Variants in RANBP17 observed in about 807,000 individuals in gnomAD.
RANBP17 encodes ran-binding protein 17.
A neutral mutation model predicts 141.2 loss-of-function variants in RANBP17; 158 were observed. That is an observed-to-expected ratio of 1.12 (90% confidence interval 0.98 to 1.28). The LOEUF is 1.28. Among genes scored for constraint, RANBP17 ranks in the 50% most tolerant of loss-of-function variants. The probability of loss-of-function intolerance (pLI) is 0.00; values close to 1 mark genes in which losing one functional copy is unlikely to be tolerated. For synonymous variants in RANBP17, 430 were observed against 450.0 expected (o/e 0.96, Z 0.56); for missense variants, 1,438 against 1,290.7 (o/e 1.11, Z -1.75).
chr5:171,098,210 A>G (rs1786844712), intron 14 of RANBP17, among the ~76,000 whole-genome samples: 1 of 152,202 alleles, frequency 6.6e-6, no homozygotes, highest in Non-Finnish European at 1.5e-5. Context: ...AGGAATTGCC[A>G]CACTGTCTTC....
chr5:170,988,749 T>C (rs1374447574), intron 14 of RANBP17, among the ~76,000 whole-genome samples: 1 of 151,844 alleles, frequency 6.6e-6, no homozygotes, highest in African/African-American at 2.4e-5. Flanking sequence ...ATGTGATAGT[T>C]CTTGCTTCTG....
At chr5:171,252,278 G>T (rs1765622309) in intron 24 of RANBP17, 3 of 1,553,642 alleles carry the variant, frequency 1.9e-6, no homozygotes, top group African/African-American at 2.7e-5. Flanking sequence ...TTACCTAATG[G>T]TAATATTAAT....
At chr5:170,925,600 T>C (rs1772851609) in intron 12 of RANBP17, among the ~76,000 whole-genome samples, 1 of 152,162 alleles carries the variant, frequency 6.6e-6, no homozygotes, top group Non-Finnish European at 1.5e-5. Context: ...GAATAGGTCG[T>C]TTGCCAATAC....
rs368246849 is a variant in RANBP17 at position 170,872,284 on chromosome 5, G to T, written c.19-5813G>T. 4.1e-4 allele frequency among the ~76,000 whole-genome samples: 63 copies of T among 152,226 alleles called. 1 individual carries two copies. The South Asian group carries it at 0.013, about 31-fold the overall frequency. ...TATTTTCTTTGTAGCAATTGTGAAT[G>T]GGAGTTCATTCATGATTTGGCTGTC... On this transcript the variant is annotated intron_variant, in intron 1 of 27. Transcript: ENST00000523189.
At chr5:170,869,327 T>TC (rs1376798314) in intron 1 of RANBP17, among the ~76,000 whole-genome samples, 2 of 150,576 alleles carry the variant, frequency 1.3e-5, no homozygotes, top group Non-Finnish European at 3.0e-5. Flanking sequence ...ACAACACTTT[T>TC]TTTTTTTTTT....
In RANBP17 at chr5:170,897,576, A is replaced by G. The variant is rs572656521; in HGVS notation, c.489+1461A>G. Among the ~76,000 whole-genome samples, 16 of 150,034 alleles carry G rather than the reference A, an allele frequency of 1.1e-4. No homozygotes were observed. The East Asian group carries it at 2.2e-3, about 20-fold the overall frequency. ...CCCTCCCCTAGCCCCCCAACCCCCA[A>G]CAGGCCCCGGTGTGTGATGTTTCTC... On this transcript the variant is annotated intron_variant, in intron 5 of 27. Coordinates refer to ENST00000523189, the MANE Select transcript of RANBP17 (RefSeq NM_022897.5).
At chr5:171,219,621 A>G (rs1319423795) in intron 21 of RANBP17, among the ~76,000 whole-genome samples, 1 of 151,576 alleles carries the variant, frequency 6.6e-6, no homozygotes, top group African/African-American at 2.4e-5. Flanking sequence ...TCTTGTCTTC[A>G]TACTTTATTT....
intron 19 of RANBP17, among the ~76,000 whole-genome samples, chr5:171,203,599 TA>T (rs540823804): frequency 4.0e-5 from 6 of 151,110 alleles, no homozygotes; most frequent in Middle Eastern, 6.8e-3. Flanking sequence ...TTTGCCACTT[TA>T]AAAAAAAAGC....
chr5:170,876,853 G>A (rs1768221313), intron 1 of RANBP17, among the ~76,000 whole-genome samples: 1 of 152,014 alleles, frequency 6.6e-6, no homozygotes, highest in Non-Finnish European at 1.5e-5. Flanking sequence ...CAAAAAAATT[G>A]CATTTTTTTA....
rs544298185 is a variant in RANBP17 at position 171,190,640 on chromosome 5, G to A, written c.2038+7210G>A. 2.9e-3 allele frequency among the ~76,000 whole-genome samples: 448 copies of A among 152,152 alleles called. 2 individuals are homozygous for A. Among genetic ancestry groups the A allele is most frequent in the African/African-American group, 9.4e-3 (392 of 41,500 alleles). ...ACTTGGTCGATCTAATAAACTAAAG[G>A]AAAGATAGTATTACCCGAGCCAGTA... On this transcript the variant is annotated intron_variant, in intron 18 of 27. Coordinates refer to ENST00000523189, the MANE Select transcript of RANBP17 (RefSeq NM_022897.5).
intron 2 of RANBP17, among the ~76,000 whole-genome samples, chr5:170,879,575 A>G (rs1425159438): frequency 1.3e-5 from 2 of 152,180 alleles, no homozygotes; most frequent in Non-Finnish European, 2.9e-5. Flanking sequence ...AGTTCTGCAT[A>G]TAGGTTCTAA....
At chr5:171,272,553 G>T (rs1045029658) in intron 25 of RANBP17, among the ~76,000 whole-genome samples, 1 of 152,226 alleles carries the variant, frequency 6.6e-6, no homozygotes, top group South Asian at 2.1e-4. Context: ...AGGTCACAAA[G>T]TCAGTAACTG....
intron 25 of RANBP17, 49 bp downstream of exon 25, chr5:171,265,896 C>T: frequency 3.9e-6 from 6 of 1,548,394 alleles, no homozygotes; most frequent in Admixed American, 3.8e-5. Context: ...TTCCCAGAAG[C>T]CATACCTGGC....
At chr5:171,187,249 G>A (rs944305171) in intron 18 of RANBP17, among the ~76,000 whole-genome samples, 1 of 152,042 alleles carries the variant, frequency 6.6e-6, no homozygotes. Flanking sequence ...AATTTGTGGT[G>A]CCCCACAACA....
intron 22 of RANBP17, 102 bp downstream of exon 22, chr5:171,221,942 T>C (rs933341031): frequency 3.9e-6 from 3 of 766,820 alleles, no homozygotes. Context: ...CATATCTTTA[T>C]GAATTTGTGA....
intron 24 of RANBP17, among the ~76,000 whole-genome samples, chr5:171,246,965 C>T (rs1765248479): frequency 6.6e-6 from 1 of 152,150 alleles, no homozygotes; most frequent in African/African-American, 2.4e-5. Context: ...TTCTGAAGGG[C>T]AGAAACAGTG....
chr5:170,934,494 G>A (rs1773686562), intron 12 of RANBP17, among the ~76,000 whole-genome samples: 1 of 152,118 alleles, frequency 6.6e-6, no homozygotes, highest in South Asian at 2.1e-4. Flanking sequence ...GTGTAAGGCA[G>A]GCCTGGTGGT....
chr5:170,965,402 A>G lies in RANBP17; in HGVS notation c.1575-2840A>G, dbSNP rs537399876. Among the ~76,000 whole-genome samples the G allele has an allele frequency of 4.9e-3, 742 of 152,050 alleles. 3 individuals carry two copies. The highest frequency in any genetic ancestry group is 7.0e-3 in the Non-Finnish European group (477 of 67,934). ...TGCTGTGCAGAAGCTCTTTAGTTTA[A>G]TTAGATCCCATTTGTCAATTTTGGC... On this transcript the variant is annotated intron_variant, in intron 13 of 27. Coordinates refer to ENST00000523189, the MANE Select transcript of RANBP17 (RefSeq NM_022897.5).
chr5:171,015,040 C>T (rs975638047), intron 14 of RANBP17, among the ~76,000 whole-genome samples: 9 of 151,946 alleles, frequency 5.9e-5, no homozygotes, highest in African/African-American at 2.2e-4. Flanking sequence ...TCCTTTTCTC[C>T]ATTTCACTGT....
Sources: gnomAD v4.1 joint callset for allele counts (sites outside exome capture counted in the v4.1 genomes callset) on GRCh38, gnomAD v4.1.1 for gene constraint, MANE v1.5 for transcripts, NCBI Gene and HGNC (gene_info 2026-07-23, HGNC 2026-07-21) for gene names.